The following KLF8 variants were observed in gnomAD, a reference collection of about 807,000 sequenced individuals.
KLF8 encodes Krueppel-like factor 8.
In KLF8, 10 loss-of-function variants were observed where a neutral mutation model predicts 18.2. The ratio of observed to expected loss-of-function variants is 0.55; its 90% CI spans 0.34 to 0.93. The LOEUF is 0.93. KLF8 is among the 40% of genes least tolerant of loss of function. The probability of loss-of-function intolerance (pLI) is 0.02; values close to 1 mark genes in which losing one functional copy is unlikely to be tolerated. For synonymous variants in KLF8, 109 were observed against 97.3 expected (o/e 1.12, Z -0.71); for missense variants, 264 against 277.9 (o/e 0.95, Z 0.36).
At chrX:56,190,402 T>C in the KLF8 span, among the ~76,000 whole-genome samples, 1 of 111,688 alleles carries the variant, frequency 9.0e-6, no homozygotes, top group Non-Finnish European at 1.9e-5. Context: ...GTACCCCTTT[T>C]TCAGTATTAG....
the KLF8 span, among the ~76,000 whole-genome samples, chrX:56,074,204 T>A: frequency 8.9e-6 from 1 of 112,501 alleles, no homozygotes; most frequent in Non-Finnish European, 1.9e-5. Context: ...TTATCAGATA[T>A]GTGATTTGAA....
chrX:55,995,143 C>A, the KLF8 span, among the ~76,000 whole-genome samples: 3 of 112,045 alleles, frequency 2.7e-5, no homozygotes, highest in Admixed American at 2.8e-4. Context: ...GAACCCTTTA[C>A]CTTTATGTAA....
chrX:56,033,052 A>G, the KLF8 span, among the ~76,000 whole-genome samples: 1 of 111,590 alleles, frequency 9.0e-6, no homozygotes, highest in East Asian at 2.8e-4. Context: ...TTTATGAGGA[A>G]CATATGATAT....
At chrX:55,948,147 C>T in the KLF8 span, among the ~76,000 whole-genome samples, 1 of 111,908 alleles carries the variant, frequency 8.9e-6, no homozygotes, top group African/African-American at 3.2e-5. Context: ...TAAGGAATAC[C>T]AGTAATTAGC....
chrX:56,074,238 T>A, the KLF8 span, among the ~76,000 whole-genome samples: 1 of 112,095 alleles, frequency 8.9e-6, no homozygotes, highest in Non-Finnish European at 1.9e-5. Context: ...TTGTAGATTG[T>A]CTTCTCCTTT....
At chrX:56,013,506 G>C in the KLF8 span, among the ~76,000 whole-genome samples, 1 of 111,768 alleles carries the variant, frequency 8.9e-6, no homozygotes, top group East Asian at 2.8e-4. Context: ...GGGTCCAAGG[G>C]TGGAATGATA....
the KLF8 span, among the ~76,000 whole-genome samples, chrX:56,027,354 G>A: frequency 4.7e-4 from 53 of 111,755 alleles, no homozygotes; most frequent in Middle Eastern, 4.6e-3. Context: ...CCTGCAATGC[G>A]TGACTGCCAC....
the KLF8 span, among the ~76,000 whole-genome samples, chrX:56,018,291 T>G: frequency 9.0e-6 from 1 of 111,298 alleles, no homozygotes; most frequent in African/African-American, 3.3e-5. Flanking sequence ...TGCATTTGTC[T>G]CTCGGTGCCT....
At chrX:55,948,204 G>T in the KLF8 span, among the ~76,000 whole-genome samples, 1 of 112,267 alleles carries the variant, frequency 8.9e-6, no homozygotes, top group South Asian at 3.7e-4. Context: ...AGTTGTTAAT[G>T]TAGAAGACAA....
chrX:56,195,551 A>G, the KLF8 span, among the ~76,000 whole-genome samples: 1 of 112,152 alleles, frequency 8.9e-6, no homozygotes, highest in Non-Finnish European at 1.9e-5. Context: ...AGAAAGAAAC[A>G]AACAAAGTGT....
chrX:56,076,656 A>G, the KLF8 span, among the ~76,000 whole-genome samples: 2 of 111,722 alleles, frequency 1.8e-5, no homozygotes, highest in Non-Finnish European at 3.8e-5. Flanking sequence ...GTATATACCC[A>G]GTAATGGGAT....
chrX:55,940,644 A>C, the KLF8 span, among the ~76,000 whole-genome samples: 1 of 111,945 alleles, frequency 8.9e-6, no homozygotes, highest in African/African-American at 3.2e-5. Context: ...GTCTCAGCCC[A>C]AAATCTCCTT....
At chrX:56,019,431 G>A in the KLF8 span, among the ~76,000 whole-genome samples, 1 of 112,335 alleles carries the variant, frequency 8.9e-6, no homozygotes, top group Admixed American at 9.4e-5. Flanking sequence ...ATTTTTCGTT[G>A]ACTGTCTATT....
At chrX:56,027,817 G>A in the KLF8 span, among the ~76,000 whole-genome samples, 1 of 112,789 alleles carries the variant, frequency 8.9e-6, no homozygotes, top group African/African-American at 3.2e-5. Flanking sequence ...AAGGTGGAAG[G>A]ATTTAGTGTG....
the KLF8 span, among the ~76,000 whole-genome samples, chrX:56,161,732 A>C: frequency 9.0e-6 from 1 of 111,330 alleles, no homozygotes; most frequent in Non-Finnish European, 1.9e-5. Context: ...CCTTTAGCTC[A>C]GAGTAGTTTG....
chrX:56,231,355 C>T (rs1262285178), upstream of KLF8, among the ~76,000 whole-genome samples: 1 of 111,538 alleles, frequency 9.0e-6, no homozygotes, highest in African/African-American at 3.3e-5. Context: ...TGAGGCCTTC[C>T]GTTTCCTTAT....
chrX:55,960,323 C>T, the KLF8 span, among the ~76,000 whole-genome samples: 1 of 111,170 alleles, frequency 9.0e-6, no homozygotes, highest in Non-Finnish European at 1.9e-5. Context: ...TCAAAACCAG[C>T]CTGACCAACA....
the KLF8 span, among the ~76,000 whole-genome samples, chrX:56,182,327 C>T: frequency 8.9e-6 from 1 of 112,200 alleles, no homozygotes; most frequent in Admixed American, 9.5e-5. Context: ...CATTTAAGGT[C>T]TTCTCTATAC....
chrX:56,040,210 C>A, the KLF8 span, among the ~76,000 whole-genome samples: 1 of 111,330 alleles, frequency 9.0e-6, no homozygotes, highest in Admixed American at 9.6e-5. Flanking sequence ...ATTTGTATAC[C>A]CTTTATTTCT....
Sources: gnomAD v4.1 joint callset for allele counts (sites outside exome capture counted in the v4.1 genomes callset) on GRCh38, gnomAD v4.1.1 for gene constraint, MANE v1.5 for transcripts, NCBI Gene and HGNC (gene_info 2026-07-23, HGNC 2026-07-21) for gene names.